SCN9A: variants seen among roughly 807,000 people sequenced by gnomAD.
SCN9A encodes the protein sodium voltage-gated channel alpha subunit 9, also known as sodium channel protein type 9 subunit alpha.
In SCN9A, 131 loss-of-function variants were observed where a neutral mutation model predicts 187.0. The ratio of observed to expected loss-of-function variants is 0.70; its 90% CI spans 0.61 to 0.81. The LOEUF is 0.81. Ranked by LOEUF, SCN9A falls within the 30% of genes least tolerant of loss-of-function variation. The pLI is 0.00. For synonymous variants in SCN9A, 809 were observed against 808.6 expected, an observed-to-expected ratio of 1.00 and a Z score of -0.01; for missense variants, 2,252 against 2,396.6, an observed-to-expected ratio of 0.94 and a Z score of 1.26.
At chr2:166,289,518 C>T (rs1697945298) in intron 9 of SCN9A, among the ~76,000 whole-genome samples, 1 of 152,008 alleles carries the variant, frequency 6.6e-6, no homozygotes, top group Non-Finnish European at 1.5e-5. Flanking sequence ...TGAACTTATT[C>T]TTTTTTATGG....
rs1697034160 is a variant in SCN9A, at chr2:166,272,426, ACTG to A, written c.3321_3323del (p.Ser1108del). ...CTTTGCTGTATTCACTATCCGAATC[ACTG>A]CTAAGTTCCTCAGCATTCATATTTT... On this transcript the variant is annotated inframe_deletion, in exon 17 of 27. Coordinates refer to ENST00000642356, the MANE Select transcript of SCN9A (RefSeq NM_001365536.1). The A allele has an allele frequency of 6.2e-7, 1 of 1,601,716 alleles. No homozygotes were observed. Among genetic ancestry groups the A allele is most frequent in the South Asian group, 1.1e-5 (1 of 89,634 alleles).
chr2:166,340,997 T>C (rs1231320919), intron 1 of SCN9A, among the ~76,000 whole-genome samples: 1 of 152,186 alleles, frequency 6.6e-6, no homozygotes, highest in African/African-American at 2.4e-5. Flanking sequence ...ATTTTATTTT[T>C]ATAACTGCAT....
intron 24 of SCN9A, among the ~76,000 whole-genome samples, chr2:166,223,806 T>C (rs373683143): frequency 1.3e-5 from 2 of 152,314 alleles, no homozygotes; most frequent in African/African-American, 4.8e-5. Context: ...TTCTTTGGAA[T>C]AAATGAGTTC....
intron 18 of SCN9A, among the ~76,000 whole-genome samples, chr2:166,250,070 G>A (rs746969007): frequency 5.3e-5 from 8 of 152,044 alleles, no homozygotes; most frequent in Non-Finnish European, 1.0e-4. Context: ...ACTGGATGTC[G>A]TACACCTTTG....
At chr2:166,200,373 C>A (rs1340488722) in intron 26 of SCN9A, among the ~76,000 whole-genome samples, 1 of 152,006 alleles carries the variant, frequency 6.6e-6, no homozygotes, top group African/African-American at 2.4e-5. Flanking sequence ...CTAACATTAC[C>A]ATTGTGACAT....
intron 1 of SCN9A, among the ~76,000 whole-genome samples, chr2:166,324,860 T>C (rs1699326853): frequency 1.3e-5 from 2 of 152,136 alleles, no homozygotes; most frequent in Non-Finnish European, 2.9e-5. Flanking sequence ...TAAGGTGATA[T>C]GATGGTATGA....
chr2:166,223,953 T>C (rs570709854), intron 24 of SCN9A, among the ~76,000 whole-genome samples: 2 of 152,292 alleles, frequency 1.3e-5, no homozygotes, highest in African/African-American at 2.4e-5. Flanking sequence ...TATACTTAGA[T>C]TGCAAGATGA....
chr2:166,236,742 A>C (rs1026821467), intron 20 of SCN9A, among the ~76,000 whole-genome samples: 1 of 152,144 alleles, frequency 6.6e-6, no homozygotes, highest in African/African-American at 2.4e-5. Context: ...AAGTTTATGA[A>C]GCTTTGAATA....
intron 1 of SCN9A, among the ~76,000 whole-genome samples, chr2:166,342,840 T>A (rs1264091726): frequency 1.3e-5 from 2 of 152,220 alleles, no homozygotes; most frequent in African/African-American, 2.4e-5. Flanking sequence ...TGTTCTTAGG[T>A]GTGCATATTC....
intron 9 of SCN9A, among the ~76,000 whole-genome samples, chr2:166,289,968 A>T (rs1310957410): frequency 2.0e-5 from 3 of 152,142 alleles, no homozygotes; most frequent in Admixed American, 1.3e-4. Flanking sequence ...TTACACAGGT[A>T]TACATGTGCT....
intron 1 of SCN9A, among the ~76,000 whole-genome samples, chr2:166,324,668 T>C (rs139732025): frequency 6.6e-6 from 1 of 152,292 alleles, no homozygotes; most frequent in African/African-American, 2.4e-5. Context: ...GTGATGAGAA[T>C]GGCCTTTTAC....
chr2:166,302,835 A>G (rs974007039), intron 7 of SCN9A: 16 of 217,732 alleles, frequency 7.3e-5, no homozygotes, highest in African/African-American at 3.7e-4. Flanking sequence ...TAGAGAAAAT[A>G]ATTCTTTTTT....
chr2:166,218,413 AAAAT>A (rs138178310), intron 24 of SCN9A, among the ~76,000 whole-genome samples: 2,234 of 152,076 alleles, frequency 0.015, 45 homozygotes, highest in African/African-American at 0.05. Context: ...GTAAAATAAA[AAAAT>A]AAATAAATAA....
rs147667733 is a variant in SCN9A at position 166,271,874 on chromosome 2, AAG to A, written c.3351+523_3351+524del. ...CCTGTCTCCGTTTTTTAAAAAAAAG[AAG>A]AGAGAGAGAGAGAGAGCGATACTTT... On this transcript the variant is annotated intron_variant, in intron 17 of 26. Transcript: ENST00000642356. 8.1e-3 allele frequency among the ~76,000 whole-genome samples: 1,214 copies of A among 149,520 alleles called. 9 individuals are homozygous for A. The highest frequency in any genetic ancestry group is 0.012 in the Non-Finnish European group (776 of 67,240).
chr2:166,271,864 TA>T (rs957762013), intron 17 of SCN9A, among the ~76,000 whole-genome samples: 3 of 150,428 alleles, frequency 2.0e-5, no homozygotes, highest in Admixed American at 6.7e-5. Flanking sequence ...CTCCGTTTTT[TA>T]AAAAAAAGAA....
At chr2:166,283,821 T>C (rs902910313) in intron 12 of SCN9A, among the ~76,000 whole-genome samples, 12 of 152,064 alleles carry the variant, frequency 7.9e-5, no homozygotes, top group African/African-American at 2.9e-4. Context: ...GAGTGAGTGG[T>C]TAAGAGCACA....
Position 166,340,532 on chromosome 2 carries a change from TTTTCTTTCCCTTTCTTTCTTTC to T in SCN9A, c.-50-28748_-50-28727del, listed in dbSNP as rs1207810776. On this transcript the variant is annotated intron_variant, in intron 1 of 26. Transcript: ENST00000642356. ...TTTCCTTCCTTCCCTCTCTCCTTTCTTTTCTTTCCCTTTCTTTCTTTCTTTCTTTCTTTCTTTCTTTCTTTCT... is the reference window on the plus strand; with the variant it reads ...TTTCCTTCCTTCCCTCTCTCCTTTCTTTTCTTTCTTTCTTTCTTTCTTTCT... Among the ~76,000 whole-genome samples the T allele has an allele frequency of 1.3e-3, 160 of 125,148 alleles. 7 individuals are homozygous for T. Among genetic ancestry groups the T allele is most frequent in the African/African-American group, 4.8e-3 (155 of 32,614 alleles). 82.1% of individuals were successfully genotyped at this position (125,148 alleles called of 152,430 possible).
chr2:166,278,532 T>TC (rs1349028482), intron 14 of SCN9A, among the ~76,000 whole-genome samples: 27 of 152,324 alleles, frequency 1.8e-4, no homozygotes, highest in Admixed American at 1.8e-3. Flanking sequence ...AACTGTCCTG[T>TC]CAGTGCTCAT....
At position 166,199,750 on chromosome 2, in the gene SCN9A, A is replaced by T. The variant is rs1235124848; in HGVS notation, c.4889T>A (p.Ile1630Asn). 8 of 1,613,974 alleles carry T rather than the reference A, an allele frequency of 5.0e-6. No homozygotes were observed. The highest frequency in any genetic ancestry group is 6.8e-6 in the Non-Finnish European group (8 of 1,180,024). Residue 1630 changes from isoleucine to asparagine, a missense_variant, in exon 27 of 27, where the codon ATC becomes AAC. Ile to Asn is a moderately radical substitution (Grantham distance 149). Around this residue, in one of 7 missense-constraint regions of SCN9A, gnomAD observed 84 missense variants for 134.2 expected, o/e 0.63. Coordinates refer to ENST00000642356, the MANE Select transcript of SCN9A (RefSeq NM_001365536.1). ...CATCAAAGCAAAGAGCAGCGTGCGG[A>T]TCCCCTTTGCTCCTTTGACTAGACG... ...ILRLVKGAKG[I>N]RTLLFALMMS...
Sources: allele counts gnomAD v4.1 joint callset (sites outside exome capture counted in the v4.1 genomes callset), GRCh38; gene constraint gnomAD v4.1.1; regional missense constraint gnomAD v4.1.1; transcripts MANE v1.5; gene names NCBI Gene and HGNC (gene_info 2026-07-23, HGNC 2026-07-21).